ARHGEF12: variants seen among roughly 807,000 people sequenced by gnomAD.
ARHGEF12 encodes KMT2A/ARHGEF12 fusion protein.
In ARHGEF12, 66 loss-of-function variants were observed where a neutral mutation model predicts 211.2. That is an observed-to-expected ratio of 0.31 (90% CI 0.26 to 0.38). The LOEUF is 0.38. Ranked by LOEUF, ARHGEF12 falls within the 10% of genes least tolerant of loss-of-function variation. The pLI is 1.00. For missense variants in ARHGEF12, 1,429 were observed against 1,869.5 expected, an observed-to-expected ratio of 0.76 and a Z score of 4.34; for synonymous variants, 592 against 638.4, an observed-to-expected ratio of 0.93 and a Z score of 1.09.
chr11:120,408,526 T>G (rs1025917227), intron 3 of ARHGEF12: 2 of 152,176 alleles, frequency 1.3e-5, no homozygotes, highest in African/African-American at 4.8e-5. Flanking sequence ...ATATATTTTT[T>G]GTGCACATAC....
intron 1 of ARHGEF12, among the ~76,000 whole-genome samples, chr11:120,347,534 T>C (rs4539328): frequency 0.44 from 66,748 of 151,716 alleles, 15,371 homozygotes; most frequent in African/African-American, 0.57. Context: ...ATTTGCTCTG[T>C]GGAGAAAGGA....
chr11:120,450,596 A>G (rs1057452987), intron 21 of ARHGEF12: 5 of 152,180 alleles, frequency 3.3e-5, no homozygotes, highest in African/African-American at 1.2e-4. Flanking sequence ...AATTTGAGGA[A>G]TTAAGAGATT....
intron 4 of ARHGEF12, among the ~76,000 whole-genome samples, chr11:120,412,474 C>G (rs1268583757): frequency 6.6e-6 from 1 of 152,260 alleles, no homozygotes; most frequent in Non-Finnish European, 1.5e-5. Flanking sequence ...TGCTGGCTTG[C>G]AGATGGCTGC....
chr11:120,419,221 A>G (rs943651656), intron 4 of ARHGEF12, among the ~76,000 whole-genome samples: 2 of 150,818 alleles, frequency 1.3e-5, no homozygotes, highest in Non-Finnish European at 2.9e-5. Context: ...CGGCCTCCCA[A>G]AGTGCTGCGA....
chr11:120,487,841 GC>G lies in ARHGEF12; in HGVS notation c.*2769del, dbSNP rs934235170. The G allele has an allele frequency of 4.6e-6, 1 of 219,710 alleles. No homozygotes were observed. The highest frequency in any genetic ancestry group is 1.8e-4 in the South Asian group (1 of 5,410). 13.6% of individuals were successfully genotyped at this position (219,710 alleles called of 1,614,324 possible). On this transcript the variant is annotated 3_prime_UTR_variant, in exon 41 of 41. Coordinates refer to ENST00000397843, the MANE Select transcript of ARHGEF12 (RefSeq NM_015313.3). The stretch of plus-strand genomic sequence containing the variant: ...ACAGTTAATCAAGGCAAATCAGCAA[GC>G]CCCCAAAGTGCTGTAATTTAACATC...
At chr11:120,475,807 T>C (rs1374373596) in intron 33 of ARHGEF12, among the ~76,000 whole-genome samples, 2 of 152,212 alleles carry the variant, frequency 1.3e-5, no homozygotes, top group Non-Finnish European at 1.5e-5. Flanking sequence ...GGGTGGTATG[T>C]TTTTTGATTT....
At chr11:120,462,688 C>G (rs1185154193) in intron 27 of ARHGEF12, 1 of 152,188 alleles carries the variant, frequency 6.6e-6, no homozygotes, top group African/African-American at 2.4e-5. Context: ...GGCCAGAAAT[C>G]ATAAAAGCAA....
chr11:120,368,669 T>C (rs1014240005), intron 1 of ARHGEF12, among the ~76,000 whole-genome samples: 2 of 152,222 alleles, frequency 1.3e-5, no homozygotes, highest in African/African-American at 4.8e-5. Flanking sequence ...GTCTGACCAA[T>C]ACCAAAACTC....
In ARHGEF12 at chr11:120,486,266, A is replaced by G. The variant is rs550015084; in HGVS notation, c.*1189A>G. The G allele has an allele frequency of 8.6e-6, 2 of 233,470 alleles. No individual in the cohort carries two copies. Among genetic ancestry groups the G allele is most frequent in the African/African-American group, 4.4e-5 (2 of 45,472 alleles). The allele number at this position is 233,470 out of a possible 1,614,324, so 14.5% of individuals were successfully genotyped here. On this transcript the variant is annotated 3_prime_UTR_variant, in exon 41 of 41. Coordinates refer to ENST00000397843, the MANE Select transcript of ARHGEF12 (RefSeq NM_015313.3). ...TGCCAAAGGGCCCTGAGTCAAAAGG[A>G]TAGCCAAGGGTGGAGTGGAAAAAGA... is the stretch of plus-strand genomic sequence containing the variant.
At chr11:120,351,495 G>A (rs1360227638) in intron 1 of ARHGEF12, among the ~76,000 whole-genome samples, 3 of 99,296 alleles carry the variant, frequency 3.0e-5, no homozygotes, top group African/African-American at 3.9e-5. Context: ...ACAAAGTCTC[G>A]CTCTGTTGCC....
At chr11:120,459,422 T>A in intron 26 of ARHGEF12, 102 bp downstream of exon 26, 2 of 1,239,044 alleles carry the variant, frequency 1.6e-6, no homozygotes, top group Non-Finnish European at 2.2e-6. Context: ...ATTCCTGAGA[T>A]TATGTGTGAG....
chr11:120,422,306 C>T (rs1203557084), intron 6 of ARHGEF12, among the ~76,000 whole-genome samples: 1 of 152,152 alleles, frequency 6.6e-6, no homozygotes, highest in Non-Finnish European at 1.5e-5. Flanking sequence ...GTAGCTTGAG[C>T]CTGTATTACC....
intron 1 of ARHGEF12, among the ~76,000 whole-genome samples, chr11:120,376,329 G>A (rs1424085545): frequency 6.6e-6 from 1 of 151,476 alleles, no homozygotes; most frequent in Non-Finnish European, 1.5e-5. Flanking sequence ...CTTTCCTGTC[G>A]AATTCTAAAG....
chr11:120,346,450 A>C (rs1427593107), intron 1 of ARHGEF12, among the ~76,000 whole-genome samples: 1 of 152,260 alleles, frequency 6.6e-6, no homozygotes. Flanking sequence ...TCACTCAGTC[A>C]TGTTGTATGT....
chr11:120,400,009 C>T (rs1027225504), intron 1 of ARHGEF12, among the ~76,000 whole-genome samples: 11 of 152,086 alleles, frequency 7.2e-5, no homozygotes, highest in Non-Finnish European at 1.6e-4. Context: ...CCTGTCTCAA[C>T]GACACTTAAA....
chr11:120,427,959 A>G (rs903109385), intron 7 of ARHGEF12, 110 bp from the exon 8 acceptor site: 13 of 934,324 alleles, frequency 1.4e-5, no homozygotes, highest in South Asian at 5.0e-5. Flanking sequence ...ACTGTCTTAC[A>G]TAACTGGATC....
At chr11:120,475,312 C>A (rs905062128) in intron 32 of ARHGEF12, 28 bp from the exon 33 acceptor site, 17 of 1,602,700 alleles carry the variant, frequency 1.1e-5, no homozygotes, top group Non-Finnish European at 1.2e-5. Flanking sequence ...TCTGTACTTA[C>A]CATTTTTTTC....
chr11:120,337,378 A>G (rs1942383064), intron 1 of ARHGEF12, 103 bp downstream of exon 1: 14 of 1,582,852 alleles, frequency 8.8e-6, no homozygotes, highest in African/African-American at 1.3e-5. Flanking sequence ...GTTGACAGGC[A>G]GAGGAAAGAG....
At chr11:120,446,898 G>T in intron 17 of ARHGEF12, 50 bp from the exon 18 acceptor site, 2 of 1,586,242 alleles carry the variant, frequency 1.3e-6, no homozygotes, top group Non-Finnish European at 1.7e-6. Flanking sequence ...TCCCCAGAAT[G>T]AGGTAGTTTT....
Sources: gnomAD v4.1 joint callset for allele counts (sites outside exome capture counted in the v4.1 genomes callset) on GRCh38, gnomAD v4.1.1 for gene constraint, MANE v1.5 for transcripts, NCBI Gene and HGNC (gene_info 2026-07-23, HGNC 2026-07-21) for gene names.